The following DNAJC2 variants were observed in gnomAD, a reference collection of about 807,000 sequenced individuals.
DNAJC2 encodes dnaJ homolog subfamily C member 2.
A neutral mutation model predicts 94.0 loss-of-function variants in DNAJC2; 32 were observed. That is an observed-to-expected ratio of 0.34 (90% confidence interval 0.26 to 0.46). DNAJC2 has a LOEUF of 0.46. Ranked by LOEUF, DNAJC2 falls within the 20% of genes least tolerant of loss-of-function variation. DNAJC2 has a pLI of 1.00. For synonymous variants in DNAJC2, 210 were observed against 229.7 expected (o/e 0.91, Z 0.77); for missense variants, 550 against 719.5 (o/e 0.76, Z 2.69).
chr7:103,327,488 T>A, intron 4 of DNAJC2, 168 bp downstream of exon 4: 1 of 680,774 alleles, frequency 1.5e-6, no homozygotes, highest in Non-Finnish European at 2.5e-6. Context: ...CCTCACTTTG[T>A]GTCGTGAGGC....
intron 15 of DNAJC2, chr7:103,314,331 AAT>A: frequency 1.0e-6 from 1 of 985,432 alleles, no homozygotes; most frequent in South Asian, 4.7e-5. Flanking sequence ...CTATTCAAAA[AAT>A]GGTGCCAGCT....
At chr7:103,322,118 C>T in intron 9 of DNAJC2, 37 bp from the exon 10 acceptor site, 1 of 1,433,900 alleles carries the variant, frequency 7.0e-7, no homozygotes, top group South Asian at 1.5e-5. Context: ...TTAATAGGTA[C>T]AGTAAAATTC....
intron 4 of DNAJC2, 61 bp downstream of exon 4, chr7:103,327,595 C>T: frequency 8.9e-7 from 1 of 1,129,574 alleles, no homozygotes; most frequent in Non-Finnish European, 1.3e-6. Context: ...GAAACCCAAT[C>T]CCAGCAATTA....
Position 103,318,899 on chromosome 7 carries a change from A to G in DNAJC2, c.1242+710T>C, listed in dbSNP as rs192275009. On this transcript the variant is annotated intron_variant, in intron 12 of 16. Transcript: ENST00000379263. The stretch of plus-strand genomic sequence containing the variant: ...AACCATAAACATCTAATCCAACTTA[A>G]ATCAACAACAGCACCTTACTACATA... Among the ~76,000 whole-genome samples the G allele has an allele frequency of 2.9e-3, 447 of 152,310 alleles. 3 individuals are homozygous for G. Among genetic ancestry groups the G allele is most frequent in the South Asian group, 6.4e-3 (31 of 4,826 alleles).
rs138480031 is a variant in DNAJC2 at position 103,323,804 on chromosome 7, T to TTA, written c.654-143_654-142dup. On this transcript the variant is annotated intron_variant, in intron 6 of 16. Transcript: ENST00000379263. ...ACTAAGGTCAAGTCTTTCTCCTTTT[T>TTA]TAAGGACATTGCATTTGGTATGAAA... 8.0e-3 allele frequency: 5,124 copies of TTA among 640,386 alleles called. 219 individuals carry two copies. In the African/African-American group the frequency reaches 0.086, roughly 11 times the overall value. 39.7% of individuals were successfully genotyped at this position (640,386 alleles called of 1,614,324 possible).
At chr7:103,332,028 G>A (rs62482398) in intron 3 of DNAJC2, among the ~76,000 whole-genome samples, 13,507 of 149,194 alleles carry the variant, frequency 0.091, 644 homozygotes, top group South Asian at 0.13. Context: ...TTTTTGAGGC[G>A]GAGTCTTGCT....
Position 103,343,006 on chromosome 7 carries a change from T to G in DNAJC2, c.65-1052A>C, listed in dbSNP as rs1819444709. Among the ~76,000 whole-genome samples the G allele has an allele frequency of 3.3e-5, 5 of 152,004 alleles. No individual in the cohort carries two copies. In the South Asian group the frequency reaches 1.0e-3, roughly 32 times the overall value. ...AATCTAAAAACAACTCAAACTATCT[T>G]TTTATTTTTTGAGACGGAGTTTTGC... On this transcript the variant is annotated intron_variant, in intron 1 of 16. Coordinates refer to ENST00000379263, the MANE Select transcript of DNAJC2 (RefSeq NM_014377.3).
intron 3 of DNAJC2, among the ~76,000 whole-genome samples, chr7:103,328,397 G>A (rs919349906): frequency 2.6e-5 from 4 of 151,922 alleles, no homozygotes; most frequent in Admixed American, 2.0e-4. Flanking sequence ...TTGGGAGGCC[G>A]AGCTGGGAGG....
At position 103,316,970 on chromosome 7, in the gene DNAJC2, AGCTTCCT is replaced by A; in HGVS notation, c.1280_1286del (p.Glu427ValfsTer34). On this transcript the variant is annotated frameshift_variant, in exon 13 of 17. Coordinates refer to ENST00000379263, the MANE Select transcript of DNAJC2 (RefSeq NM_014377.3). LOFTEE classifies it high-confidence loss of function. ...TAGATGCTTGTCGCATACGAGCCTC[AGCTTCCT>A]CTTTCTCTTTTCTGATTTGCTCATT... The A allele has an allele frequency of 6.2e-7, 1 of 1,613,852 alleles. No homozygotes were observed.
At chr7:103,317,683 C>T (rs1039631906) in intron 12 of DNAJC2, among the ~76,000 whole-genome samples, 1 of 152,200 alleles carries the variant, frequency 6.6e-6, no homozygotes, top group Non-Finnish European at 1.5e-5. Context: ...CAGAGTCTCA[C>T]TCTGTCGCCC....
At chr7:103,325,465 A>G (rs1386815635) in intron 5 of DNAJC2, among the ~76,000 whole-genome samples, 2 of 151,768 alleles carry the variant, frequency 1.3e-5, no homozygotes, top group Admixed American at 6.6e-5. Flanking sequence ...AAAAAAACCA[A>G]AAAACAGGTG....
chr7:103,320,463 C>T (rs1408184641), intron 10 of DNAJC2, among the ~76,000 whole-genome samples: 2 of 152,032 alleles, frequency 1.3e-5, no homozygotes, highest in Non-Finnish European at 2.9e-5. Flanking sequence ...ACATAATCAT[C>T]TTACCATTAT....
chr7:103,330,125 C>A (rs1025377455), intron 3 of DNAJC2, among the ~76,000 whole-genome samples: 1 of 152,174 alleles, frequency 6.6e-6, no homozygotes, highest in African/African-American at 2.4e-5. Flanking sequence ...AAACTGTATT[C>A]TATGTGCTTT....
chr7:103,331,944 G>A (rs1818990824), intron 3 of DNAJC2, among the ~76,000 whole-genome samples: 1 of 151,912 alleles, frequency 6.6e-6, no homozygotes, highest in South Asian at 2.1e-4. Context: ...AATTTGCACA[G>A]TGGCTATGCT....
chr7:103,315,734 A>G (rs773261731), intron 15 of DNAJC2, 30 bp downstream of exon 15: 4 of 1,467,544 alleles, frequency 2.7e-6, no homozygotes, highest in Non-Finnish European at 3.8e-6. Flanking sequence ...CATGGCTAGC[A>G]TTTTCTACGT....
At chr7:103,319,113 G>A (rs995047914) in intron 12 of DNAJC2, among the ~76,000 whole-genome samples, 1 of 152,092 alleles carries the variant, frequency 6.6e-6, no homozygotes, top group African/African-American at 2.4e-5. Context: ...ACTCCAGCCT[G>A]GGTGACAGAG....
chr7:103,315,697 G>T, intron 15 of DNAJC2, 67 bp downstream of exon 15: 1 of 1,050,046 alleles, frequency 9.5e-7, no homozygotes, highest in Non-Finnish European at 1.5e-6. Context: ...TAGACCCTAA[G>T]TCTTGTACGT....
intron 3 of DNAJC2, among the ~76,000 whole-genome samples, chr7:103,333,699 G>A (rs1370901540): frequency 6.6e-6 from 1 of 152,096 alleles, no homozygotes; most frequent in Non-Finnish European, 1.5e-5. Context: ...GTTTTCTGAT[G>A]CCTGTCACCA....
At chr7:103,327,843 G>T in intron 3 of DNAJC2, 89 bp from the exon 4 acceptor site, 1 of 723,694 alleles carries the variant, frequency 1.4e-6, no homozygotes, top group Non-Finnish European at 2.3e-6. Flanking sequence ...AAAATCATAA[G>T]GCTAATATTA....
Sources: allele counts gnomAD v4.1 joint callset (sites outside exome capture counted in the v4.1 genomes callset), GRCh38; gene constraint gnomAD v4.1.1; transcripts MANE v1.5; gene names NCBI Gene and HGNC (gene_info 2026-07-23, HGNC 2026-07-21).